The following NCR3LG1 variants were observed in gnomAD, a reference collection of about 807,000 sequenced individuals.
NCR3LG1 encodes natural killer cell cytotoxicity receptor 3 ligand 1, also known as natural cytotoxicity triggering receptor 3 ligand 1.
Under a neutral mutation model 34.8 loss-of-function variants are expected in NCR3LG1, and 35 were observed. The ratio of observed to expected loss-of-function variants is 1.01; its 90% CI spans 0.77 to 1.33. The LOEUF (loss-of-function observed/expected upper bound fraction) is 1.33, where lower values mean the gene tolerates loss of function less well. NCR3LG1 is among the 40% of genes most tolerant of loss of function. The pLI, the probability that NCR3LG1 is intolerant of heterozygous loss-of-function variation, is 0.00. For missense variants in NCR3LG1, 452 were observed against 423.3 expected, an observed-to-expected ratio of 1.07 and a Z score of -0.60; for synonymous variants, 173 against 163.6, an observed-to-expected ratio of 1.06 and a Z score of -0.44.
intron 1 of NCR3LG1, among the ~76,000 whole-genome samples, chr11:17,353,530 G>C (rs538851081): frequency 6.6e-6 from 1 of 152,340 alleles, no homozygotes; most frequent in Admixed American, 6.5e-5. Flanking sequence ...CGCCCACCCG[G>C]TCCCATGCCC....
rs1953485331 is a variant in NCR3LG1, at chr11:17,377,203, G to A, written c.*4691G>A. The A allele has an allele frequency of 6.6e-6, 1 of 151,880 alleles. No individual in the cohort carries two copies. The highest frequency in any genetic ancestry group is 2.1e-4 in the South Asian group (1 of 4,798). The allele number at this position is 151,880 out of a possible 1,614,324, so 9.4% of individuals were successfully genotyped here. ...TTTTGAAACTCCATTTGTCGGCCAG[G>A]TGTGGTGGCTTACGACTGTAATCCC... On this transcript the variant is annotated 3_prime_UTR_variant, in exon 5 of 5. Coordinates refer to ENST00000338965, the MANE Select transcript of NCR3LG1 (RefSeq NM_001202439.3).
At chr11:17,368,637 G>A (rs1953373923) in intron 3 of NCR3LG1, among the ~76,000 whole-genome samples, 1 of 152,196 alleles carries the variant, frequency 6.6e-6, no homozygotes, top group Admixed American at 6.5e-5. Flanking sequence ...GCACAATTAT[G>A]TGGTACGTGG....
At chr11:17,357,375 G>A (rs1434837554) in intron 2 of NCR3LG1, among the ~76,000 whole-genome samples, 1 of 152,054 alleles carries the variant, frequency 6.6e-6, no homozygotes, top group Non-Finnish European at 1.5e-5. Flanking sequence ...CAATCATATT[G>A]GATCAGAGCC....
At position 17,367,223 on chromosome 11, in the gene NCR3LG1, C is replaced by T; in HGVS notation, c.636C>T (p.Cys212=). The part of the protein sequence containing the change: ...NMDGTFNVTS[C]LKLNSSQEDP... ...ATGGCACATTTAATGTCACTAGCTGCTTGAAGCTGAACTCCTCTCAGGAAG... is the reference window on the plus strand; with the variant it reads ...ATGGCACATTTAATGTCACTAGCTGTTTGAAGCTGAACTCCTCTCAGGAAG... The change falls in exon 3 of 5, where the codon TGC becomes TGT. Residue 212 remains cysteine, a synonymous_variant. Coordinates refer to ENST00000338965, the MANE Select transcript of NCR3LG1 (RefSeq NM_001202439.3). 6.5e-7 allele frequency: 1 copy of T among 1,536,442 alleles called. No homozygotes were observed. Among genetic ancestry groups the T allele is most frequent in the Non-Finnish European group, 8.7e-7 (1 of 1,146,978 alleles).
At position 17,364,711 on chromosome 11, in the gene NCR3LG1, T is replaced by G. The variant is rs539637857; in HGVS notation, c.422-2298T>G. Among the ~76,000 whole-genome samples, 1,164 of 152,172 alleles carry G rather than the reference T, an allele frequency of 7.6e-3. 14 individuals are homozygous for G. The highest frequency in any genetic ancestry group is 0.027 in the Middle Eastern group (8 of 294). On this transcript the variant is annotated intron_variant, in intron 2 of 4. Transcript: ENST00000338965. Reference sequence around the variant, plus strand: ...ACAGGCATGCGCCACCACCCCTGGCTAATTTTGTATTTTTAGTAGAAATGG... The same window carrying G: ...ACAGGCATGCGCCACCACCCCTGGCGAATTTTGTATTTTTAGTAGAAATGG...
In NCR3LG1 at chr11:17,376,319, G is replaced by T. The variant is rs1375938333; in HGVS notation, c.*3807G>T. The T allele has an allele frequency of 2.0e-5, 3 of 152,122 alleles. No homozygotes were observed. The highest frequency in any genetic ancestry group is 1.5e-5 in the Non-Finnish European group (1 of 68,020). 9.4% of individuals were successfully genotyped at this position (152,122 alleles called of 1,614,324 possible). The stretch of plus-strand genomic sequence containing the variant: ...TTAGTTAAATAATTCCTCACTTTGG[G>T]CTCCCTAAGTACTTCCAAAACAACA... On this transcript the variant is annotated 3_prime_UTR_variant, in exon 5 of 5. Coordinates refer to ENST00000338965, the MANE Select transcript of NCR3LG1 (RefSeq NM_001202439.3).
chr11:17,362,765 T>C (rs4757508), intron 2 of NCR3LG1, among the ~76,000 whole-genome samples: 16,818 of 106,932 alleles, frequency 0.16, 3,178 homozygotes, highest in African/African-American at 0.41. Context: ...TCTTTCTTTC[T>C]TTCCTTCCTT....
intron 1 of NCR3LG1, 27 bp from the exon 2 acceptor site, chr11:17,356,624 G>C: frequency 1.4e-6 from 2 of 1,461,854 alleles, no homozygotes; most frequent in Non-Finnish European, 1.8e-6. Context: ...TTGGTAAACT[G>C]AACATTGTGT....
intron 1 of NCR3LG1, among the ~76,000 whole-genome samples, 196 bp from the exon 2 acceptor site, chr11:17,356,455 G>A (rs1322682650): frequency 6.6e-6 from 1 of 151,922 alleles, no homozygotes; most frequent in Non-Finnish European, 1.5e-5. Flanking sequence ...TTTCTTGTAA[G>A]GGCACTAATC....
intron 2 of NCR3LG1, among the ~76,000 whole-genome samples, chr11:17,362,546 A>C (rs1036230858): frequency 2.0e-5 from 3 of 151,932 alleles, no homozygotes; most frequent in African/African-American, 7.3e-5. Context: ...AAAAACTGGC[A>C]TTATTTATTC....
chr11:17,359,202 A>G (rs970499514), intron 2 of NCR3LG1, among the ~76,000 whole-genome samples: 84 of 152,354 alleles, frequency 5.5e-4, no homozygotes, highest in African/African-American at 1.9e-3. Context: ...CTCTCAGCCA[A>G]CAGAGCAAAG....
Position 17,368,984 on chromosome 11 carries a change from A to G in NCR3LG1, c.858+20A>G. The G allele has an allele frequency of 6.8e-7, 1 of 1,468,242 alleles. No homozygotes were observed. Among genetic ancestry groups the G allele is most frequent in the Non-Finnish European group, 9.2e-7 (1 of 1,089,678 alleles). The allele number at this position is 1,468,242 out of a possible 1,614,324, so 91.0% of individuals were successfully genotyped here. A position where few individuals can be genotyped will look rare whatever the true frequency, so the allele number is the denominator to read the frequency against. On this transcript the variant is annotated intron_variant, in intron 4 of 4. Transcript: ENST00000338965. Reference sequence around the variant, plus strand: ...AAAAAGGTAAGGGGCTCCAAAGCAAAGTTCAGCCCTGTGTCTTGGGCTAGT... The same window carrying G: ...AAAAAGGTAAGGGGCTCCAAAGCAAGGTTCAGCCCTGTGTCTTGGGCTAGT...
chr11:17,367,114 C>T lies in NCR3LG1; in HGVS notation c.527C>T (p.Thr176Ile). 2.0e-6 allele frequency: 3 copies of T among 1,536,278 alleles called. No individual in the cohort carries two copies. In the South Asian group the frequency reaches 3.6e-5, roughly 18 times the overall value. ...SGFYPEAINI[T>I]WEKQTQKFPH... is the part of the protein sequence containing the mutation. Reference sequence around the variant, plus strand: ...TTCTACCCAGAGGCTATTAATATAACATGGGAGAAGCAGACCCAGAAGTTT... The same window carrying T: ...TTCTACCCAGAGGCTATTAATATAATATGGGAGAAGCAGACCCAGAAGTTT... The change falls in exon 3 of 5, where the codon ACA (threonine) becomes ATA (isoleucine). Residue 176 changes from threonine (T) to isoleucine (I), a missense_variant. Coordinates refer to ENST00000338965, the MANE Select transcript of NCR3LG1 (RefSeq NM_001202439.3).
intron 2 of NCR3LG1, among the ~76,000 whole-genome samples, chr11:17,363,247 T>G (rs1014171800): frequency 6.6e-6 from 1 of 151,846 alleles, no homozygotes; most frequent in African/African-American, 2.4e-5. Context: ...CTTTTTATGT[T>G]TCTCGCACAG....
chr11:17,371,745 C>T (rs1953407989), intron 4 of NCR3LG1, among the ~76,000 whole-genome samples: 2 of 152,166 alleles, frequency 1.3e-5, no homozygotes, highest in Admixed American at 6.5e-5. Context: ...TCTCAGGAGC[C>T]TTATGGGCCA....
In NCR3LG1 at chr11:17,354,545, C is replaced by CTTTT. The variant is rs71047545; in HGVS notation, c.71-2081_71-2078dup. Reference sequence around the variant, plus strand: ...TCCCTCCGACCCCCCAATTCTTCTTCTTTTTTTTTTTTTTTTTTTTTTTTT... The same window carrying CTTTT: ...TCCCTCCGACCCCCCAATTCTTCTTCTTTTTTTTTTTTTTTTTTTTTTTTTTTTT... On this transcript the variant is annotated intron_variant, in intron 1 of 4. Coordinates refer to ENST00000338965, the MANE Select transcript of NCR3LG1 (RefSeq NM_001202439.3). Among the ~76,000 whole-genome samples the CTTTT allele has an allele frequency of 5.0e-3, 351 of 70,250 alleles. 6 individuals are homozygous for CTTTT. The highest frequency in any genetic ancestry group is 8.5e-3 in the Non-Finnish European group (249 of 29,252). 46.1% of individuals were successfully genotyped at this position (70,250 alleles called of 152,430 possible).
chr11:17,369,717 C>T (rs1323556030), intron 4 of NCR3LG1, among the ~76,000 whole-genome samples: 1 of 152,206 alleles, frequency 6.6e-6, no homozygotes, highest in Non-Finnish European at 1.5e-5. Flanking sequence ...ATTCACGGGA[C>T]TTATTCCTGT....
In NCR3LG1 at chr11:17,363,631, C is replaced by A. The variant is rs188233575; in HGVS notation, c.422-3378C>A. Among the ~76,000 whole-genome samples the A allele has an allele frequency of 2.8e-3, 423 of 150,954 alleles. 4 individuals are homozygous for A. Among genetic ancestry groups the A allele is most frequent in the African/African-American group, 9.9e-3 (404 of 40,986 alleles). On this transcript the variant is annotated intron_variant, in intron 2 of 4. Coordinates refer to ENST00000338965, the MANE Select transcript of NCR3LG1 (RefSeq NM_001202439.3). ...TTTGAGATGGGGTCCCACTCTGTTT[C>A]CCAGGTTGGAGTGCAGTGGTATGAT...
chr11:17,359,373 T>A (rs772182874), intron 2 of NCR3LG1, among the ~76,000 whole-genome samples: 66 of 152,324 alleles, frequency 4.3e-4, no homozygotes, highest in Non-Finnish European at 7.9e-4. Context: ...CTCTTGCTCA[T>A]CTGTAAACTC....
Sources: gnomAD v4.1 joint callset for allele counts (sites outside exome capture counted in the v4.1 genomes callset) on GRCh38, gnomAD v4.1.1 for gene constraint, MANE v1.5 for transcripts, NCBI Gene and HGNC (gene_info 2026-07-23, HGNC 2026-07-21) for gene names.